RSPH14: variants seen among roughly 807,000 people sequenced by gnomAD.
RSPH14 encodes rhabdoid tumor deletion region gene 1.
In RSPH14, 20 loss-of-function variants were observed where a neutral mutation model predicts 26.7. The ratio of observed to expected loss-of-function variants is 0.75; its 90% CI spans 0.53 to 1.09. The LOEUF is 1.09. RSPH14 is among the 50% of genes least tolerant of loss of function. The pLI is 0.00. For missense variants in RSPH14, 449 were observed against 457.2 expected, an observed-to-expected ratio of 0.98 and a Z score of 0.16; for synonymous variants, 177 against 189.3, an observed-to-expected ratio of 0.93 and a Z score of 0.53.
chr22:23,155,888 G>C, the RSPH14 span: 1 of 1,331,790 alleles, frequency 7.5e-7, no homozygotes, highest in Non-Finnish European at 1.0e-6. Flanking sequence ...TCCCACCCAT[G>C]GTCCCGTAGC....
At chr22:23,127,187 G>A (rs2070204156) in intron 4 of RSPH14, among the ~76,000 whole-genome samples, 1 of 152,226 alleles carries the variant, frequency 6.6e-6, no homozygotes, top group African/African-American at 2.4e-5. Flanking sequence ...TCAGGGGACA[G>A]TGCCAGGAAG....
chr22:23,123,241 G>C, intron 4 of RSPH14: 9 of 1,614,100 alleles, frequency 5.6e-6, no homozygotes, highest in Non-Finnish European at 7.6e-6. Flanking sequence ...GAGTACAAGG[G>C]CCAGAACACG....
At position 23,063,938 on chromosome 22, in the gene RSPH14, A is replaced by G; in HGVS notation, c.617T>C (p.Ile206Thr). 3.1e-6 allele frequency: 5 copies of G among 1,614,042 alleles called. No individual in the cohort carries two copies. The highest frequency in any genetic ancestry group is 4.2e-6 in the Non-Finnish European group (5 of 1,180,004). Residue 206 changes from isoleucine (I) to threonine (T), a missense_variant, in exon 5 of 7, where the codon ATC becomes ACC. Transcript: ENST00000216036. ...GAGCGCACGGGCGGCCTTGCTGCGG[A>G]TGTTCTGGTTGGCGCTGAGGAGCTT... ...KQKLLSANQN[I>T]RSKAARALLN...
At chr22:23,145,128 C>T (rs1443940123), upstream of RSPH14, 1 of 580,522 alleles carries the variant, frequency 1.7e-6, no homozygotes. Context: ...ACATCAGGAG[C>T]TCTTATGCCA....
At chr22:23,145,245 C>T (rs530678044), upstream of RSPH14, 434 of 868,356 alleles carry the variant, frequency 5.0e-4, 21 homozygotes, top group African/African-American at 5.9e-3. Context: ...CTCCATAGCC[C>T]CGCCCACCGC....
the RSPH14 span, among the ~76,000 whole-genome samples, chr22:23,167,422 A>G: frequency 1.3e-5 from 2 of 152,110 alleles, no homozygotes; most frequent in South Asian, 4.1e-4. Flanking sequence ...TGCTCTCAGC[A>G]TCTTTCAACC....
the RSPH14 span, chr22:23,180,062 G>C: frequency 2.9e-6 from 1 of 347,722 alleles, no homozygotes; most frequent in East Asian, 7.2e-5. Context: ...GCAGAGGGGG[G>C]AGGTTGCTTC....
At chr22:23,064,233 G>T in intron 4 of RSPH14, 100 bp from the exon 5 acceptor site, 1 of 1,123,036 alleles carries the variant, frequency 8.9e-7, no homozygotes, top group Non-Finnish European at 1.3e-6. Flanking sequence ...CAGAACCAGT[G>T]GGTGGGTTTG....
At chr22:23,173,602 A>G in the RSPH14 span, among the ~76,000 whole-genome samples, 1 of 147,046 alleles carries the variant, frequency 6.8e-6, no homozygotes, top group African/African-American at 2.5e-5. Flanking sequence ...CACAATGCTC[A>G]GGTAATTTTT....
chr22:23,072,830 G>A (rs1282484102), intron 4 of RSPH14, among the ~76,000 whole-genome samples: 1 of 152,340 alleles, frequency 6.6e-6, no homozygotes. Context: ...GAACCTCAGA[G>A]ACCTGGAGGC....
intron 4 of RSPH14, among the ~76,000 whole-genome samples, chr22:23,094,932 C>T (rs1569171968): frequency 6.6e-6 from 1 of 152,238 alleles, no homozygotes; most frequent in African/African-American, 2.4e-5. Context: ...ACAGGGTGAC[C>T]TTATTGAATC....
At chr22:23,094,324 G>A (rs2069064245) in intron 4 of RSPH14, among the ~76,000 whole-genome samples, 1 of 152,140 alleles carries the variant, frequency 6.6e-6, no homozygotes, top group Admixed American at 6.5e-5. Context: ...GGGAGGCCTG[G>A]CCTAAGCACC....
At chr22:23,146,787 G>C (rs2070803420), upstream of RSPH14, 2 of 1,486,236 alleles carry the variant, frequency 1.3e-6, no homozygotes, top group African/African-American at 1.4e-5. Flanking sequence ...GAATCAAGGA[G>C]GTCTGTCCAT....
chr22:23,148,803 A>G (rs2267006), upstream of RSPH14, among the ~76,000 whole-genome samples: 59,849 of 152,140 alleles, frequency 0.39, 12,408 homozygotes, highest in East Asian at 0.61. Context: ...ATTGTGTCTG[A>G]GCCAGTCCCT....
chr22:23,074,126 A>G (rs1003255605), intron 4 of RSPH14, among the ~76,000 whole-genome samples: 2 of 152,152 alleles, frequency 1.3e-5, no homozygotes, highest in African/African-American at 4.8e-5. Context: ...GTGGGCCCCA[A>G]TGAGGCAGGA....
At chr22:23,082,745 G>A (rs888814660) in intron 4 of RSPH14, among the ~76,000 whole-genome samples, 2 of 151,998 alleles carry the variant, frequency 1.3e-5, no homozygotes, top group African/African-American at 4.8e-5. Context: ...GCCCACCCAA[G>A]CGGAAGAGTC....
At chr22:23,128,013 G>A (rs1212341119) in intron 4 of RSPH14, among the ~76,000 whole-genome samples, 1 of 152,084 alleles carries the variant, frequency 6.6e-6, no homozygotes, top group Non-Finnish European at 1.5e-5. Flanking sequence ...GTCAGAACAG[G>A]CCCCATCATG....
chr22:23,136,997 C>T (rs2070494789), intron 3 of RSPH14, among the ~76,000 whole-genome samples: 1 of 139,062 alleles, frequency 7.2e-6, no homozygotes, highest in Non-Finnish European at 1.6e-5. Context: ...GCAGTGCCAG[C>T]CTGCCCTTCT....
chr22:23,078,519 C>T (rs772613080), intron 4 of RSPH14, among the ~76,000 whole-genome samples: 1 of 152,262 alleles, frequency 6.6e-6, no homozygotes, highest in Non-Finnish European at 1.5e-5. Context: ...AGTGCTTGGC[C>T]TCAGTCTCCA....
Sources: gnomAD v4.1 joint callset for allele counts (sites outside exome capture counted in the v4.1 genomes callset) on GRCh38, gnomAD v4.1.1 for gene constraint, MANE v1.5 for transcripts, NCBI Gene and HGNC (gene_info 2026-07-23, HGNC 2026-07-21) for gene names.